ABCC11: variants seen among roughly 807,000 people sequenced by gnomAD.
ABCC11 encodes the protein ATP binding cassette subfamily C member 11, also known as ATP-binding cassette sub-family C member 11.
A neutral mutation model predicts 149.3 loss-of-function variants in ABCC11; 135 were observed. The ratio of observed to expected loss-of-function variants is 0.90; its 90% CI spans 0.79 to 1.04. The LOEUF is 1.04. Ranked by LOEUF, ABCC11 falls within the 50% of genes least tolerant of loss-of-function variation. The pLI is 0.00. For missense variants in ABCC11, 1,680 were observed against 1,722.1 expected, an observed-to-expected ratio of 0.98 and a Z score of 0.43; for synonymous variants, 665 against 671.4, an observed-to-expected ratio of 0.99 and a Z score of 0.15.
rs1967151426 is a variant in ABCC11, at chr16:48,193,956, A to G, written c.2431T>C (p.Phe811Leu). The change falls in exon 19 of 30, where the codon TTC (phenylalanine) becomes CTC (leucine). Residue 811 changes from phenylalanine (F) to leucine (L), a missense_variant. Phe to Leu is a conservative substitution (Grantham distance 22). Coordinates refer to ENST00000356608, the MANE Select transcript of ABCC11 (RefSeq NM_001370497.1). ...AAGAAGACGATCAGCACCACGAAGA[A>G]GAAAATTATGCAAGAGACCATGTAA... ...GGYMVSCIIFFFVVLIVFLTI... is the reference protein window; with the variant it reads ...GGYMVSCIIFLFVVLIVFLTI... 1 of 1,613,768 alleles carries G rather than the reference A, an allele frequency of 6.2e-7. No homozygotes were observed.
intron 9 of ABCC11, among the ~76,000 whole-genome samples, chr16:48,214,374 G>A (rs1969169018): frequency 6.6e-6 from 1 of 152,036 alleles, no homozygotes; most frequent in Non-Finnish European, 1.5e-5. Flanking sequence ...TTCCCTTCTT[G>A]CTCTGGGTGC....
Position 48,211,086 on chromosome 16 carries a change from G to T in ABCC11, c.1470C>A (p.Ile490=). Residue 490 remains isoleucine (I), a synonymous_variant, in exon 11 of 30, where the codon ATC becomes ATA. Transcript: ENST00000356608. ...TCTCCAGCTCCAGTGCCCCATTGAC[G>T]ATCCCGGGACAGGTCTGTTGCCATG... The part of the protein sequence containing the change: ...TLSWQQTCPG[I]VNGALELERN... 6.2e-7 allele frequency: 1 copy of T among 1,614,172 alleles called. No homozygotes were observed. Among genetic ancestry groups the T allele is most frequent in the Non-Finnish European group, 8.5e-7 (1 of 1,180,038 alleles).
rs771432563 is a variant in ABCC11, at chr16:48,198,156, G to C, written c.2202C>G (p.His734Gln). 5.0e-5 allele frequency: 80 copies of C among 1,614,202 alleles called. No individual in the cohort carries two copies. Among genetic ancestry groups the C allele is most frequent in the Non-Finnish European group, 6.8e-5 (80 of 1,180,038 alleles). ...CAGGACTCACCGAAGTGGCTTCCTT[G>C]TGCATCTTCTGGATAAGTTGGGCAT... ...GKYAQLIQKM[H>Q]KEATSDMLQD... is the part of the protein sequence containing the mutation. Residue 734 changes from histidine (H) to glutamine (Q), a missense_variant, in exon 16 of 30, where the codon CAC (histidine) becomes CAG (glutamine). By Grantham distance (24) the His-to-Gln change is conservative. Transcript: ENST00000356608.
intron 4 of ABCC11, among the ~76,000 whole-genome samples, chr16:48,225,385 C>T (rs1253155487): frequency 1.3e-5 from 2 of 152,168 alleles, no homozygotes; most frequent in Non-Finnish European, 2.9e-5. Context: ...AACTCTTGAG[C>T]TGCATTTTAA....
At chr16:48,229,981 A>G (rs1970325358) in intron 3 of ABCC11, among the ~76,000 whole-genome samples, 1 of 152,160 alleles carries the variant, frequency 6.6e-6, no homozygotes, top group Admixed American at 6.5e-5. Flanking sequence ...TGCTTAGGAA[A>G]TTCTTGTTCT....
intron 26 of ABCC11, among the ~76,000 whole-genome samples, chr16:48,172,862 A>G (rs1007879724): frequency 6.6e-6 from 1 of 152,216 alleles, no homozygotes; most frequent in Non-Finnish European, 1.5e-5. Flanking sequence ...TCTGGACTTT[A>G]CACCCAGCAA....
rs113122540 is a variant in ABCC11 at position 48,194,695 on chromosome 16, T to C, written c.2405-713A>G. 7.4e-3 allele frequency among the ~76,000 whole-genome samples: 1,120 copies of C among 152,320 alleles called. 13 individuals carry two copies. Among genetic ancestry groups the C allele is most frequent in the African/African-American group, 0.026 (1,076 of 41,554 alleles). On this transcript the variant is annotated intron_variant, in intron 18 of 29. Coordinates refer to ENST00000356608, the MANE Select transcript of ABCC11 (RefSeq NM_001370497.1). ...TCCTGGTTTTTTGTCCCTTTCACCA[T>C]GTAAGGATACAACATTTATCCCCTC...
intron 18 of ABCC11, among the ~76,000 whole-genome samples, chr16:48,195,908 AG>A (rs1967359610): frequency 6.6e-6 from 1 of 152,162 alleles, no homozygotes; most frequent in African/African-American, 2.4e-5. Flanking sequence ...CTGAGATGGG[AG>A]GATTGCTTGA....
Position 48,184,522 on chromosome 16 carries a change from A to C in ABCC11, c.3176T>G (p.Leu1059Trp). 1.2e-6 allele frequency: 2 copies of C among 1,614,258 alleles called. No individual in the cohort carries two copies. The highest frequency in any genetic ancestry group is 1.7e-6 in the Non-Finnish European group (2 of 1,180,046). Reference sequence around the variant, plus strand: ...AAAAGCCACGAACAGGGCAACAGCCAAGGTCACAAGGTTGGTCATGATCTC... The same window carrying C: ...AAAAGCCACGAACAGGGCAACAGCCCAGGTCACAAGGTTGGTCATGATCTC... ...RLEIMTNLVT[L>W]AVALFVAFGI... Residue 1059 changes from leucine to tryptophan, a missense_variant, in exon 23 of 30, where the codon TTG (leucine) becomes TGG (tryptophan). By Grantham distance (61) the Leu-to-Trp change is moderately conservative. Transcript: ENST00000356608.
Position 48,196,331 on chromosome 16 carries a change from G to A in ABCC11, c.2315-10C>T. 1 of 1,613,084 alleles carries A rather than the reference G, an allele frequency of 6.2e-7. No homozygotes were observed. Among genetic ancestry groups the A allele is most frequent in the Non-Finnish European group, 8.5e-7 (1 of 1,179,500 alleles). On this transcript the variant is annotated splice_polypyrimidine_tract_variant and intron_variant, in intron 17 of 29. Coordinates refer to ENST00000356608, the MANE Select transcript of ABCC11 (RefSeq NM_001370497.1). ...AGCTGATGCTCCGGCACTGGGTCAG[G>A]GTAGAAGAAGAGAAAAGTGGTATGC...
chr16:48,231,338 G>A (rs1244297376), intron 2 of ABCC11, among the ~76,000 whole-genome samples: 1 of 151,978 alleles, frequency 6.6e-6, no homozygotes, highest in Non-Finnish European at 1.5e-5. Flanking sequence ...GATTATAATT[G>A]ATCTCATTGT....
chr16:48,170,016 C>G, intron 28 of ABCC11, 89 bp downstream of exon 28: 1 of 943,988 alleles, frequency 1.1e-6, no homozygotes, highest in South Asian at 1.5e-5. Flanking sequence ...CAGTGTCCCA[C>G]GGTAGTGAAG....
In ABCC11 at chr16:48,188,549, A is replaced by C. The variant is rs544178513; in HGVS notation, c.2707-1122T>G. Among the ~76,000 whole-genome samples the C allele has an allele frequency of 7.2e-5, 11 of 152,340 alleles. No individual in the cohort carries two copies. In the East Asian group the frequency reaches 7.7e-4, roughly 11 times the overall value. ...AGTTGATCTCTAACAGCCAGTGGCCATGAGGCCTTTCGGAGATCAAAGGAC... is the reference window on the plus strand; with the variant it reads ...AGTTGATCTCTAACAGCCAGTGGCCCTGAGGCCTTTCGGAGATCAAAGGAC... On this transcript the variant is annotated intron_variant, in intron 20 of 29. Coordinates refer to ENST00000356608, the MANE Select transcript of ABCC11 (RefSeq NM_001370497.1).
chr16:48,239,387 C>T (rs7203432), intron 1 of ABCC11, among the ~76,000 whole-genome samples: 19,853 of 147,752 alleles, frequency 0.13, 1,610 homozygotes, highest in African/African-American at 0.24. Flanking sequence ...ACAGTGAAAC[C>T]CCGTCTCTAC....
intron 11 of ABCC11, 122 bp downstream of exon 11, chr16:48,210,826 G>T: frequency 7.5e-7 from 1 of 1,325,138 alleles, no homozygotes; most frequent in Non-Finnish European, 1.0e-6. Context: ...GAATTTTAAG[G>T]GGAGAGATCT....
At chr16:48,204,039 G>C (rs1010322313) in intron 13 of ABCC11, among the ~76,000 whole-genome samples, 2 of 152,242 alleles carry the variant, frequency 1.3e-5, no homozygotes, top group African/African-American at 4.8e-5. Flanking sequence ...GTGGCCTAGT[G>C]ATGGACACTG....
At chr16:48,197,890 G>A in intron 17 of ABCC11, 81 bp downstream of exon 17, 2 of 1,443,694 alleles carry the variant, frequency 1.4e-6, no homozygotes, top group Admixed American at 3.5e-5. Context: ...GCCCAGTCTG[G>A]GGTCAAGGAG....
chr16:48,179,666 C>T (rs1284734356), intron 23 of ABCC11, among the ~76,000 whole-genome samples: 1 of 152,160 alleles, frequency 6.6e-6, no homozygotes, highest in African/African-American at 2.4e-5. Context: ...GAATAAAGTG[C>T]AGAGGGGCGC....
At chr16:48,247,041 A>T (rs1015933071) in intron 1 of ABCC11, among the ~76,000 whole-genome samples, 1 of 152,302 alleles carries the variant, frequency 6.6e-6, no homozygotes, top group East Asian at 1.9e-4. Context: ...ATTAGAAAAC[A>T]TATATTGAAA....
Sources: allele counts gnomAD v4.1 joint callset (sites outside exome capture counted in the v4.1 genomes callset), GRCh38; gene constraint gnomAD v4.1.1; transcripts MANE v1.5; gene names NCBI Gene and HGNC (gene_info 2026-07-23, HGNC 2026-07-21).